The following RSU1 variants were observed in gnomAD, a reference collection of about 807,000 sequenced individuals.
The protein encoded by RSU1 is Ras suppressor protein 1, also known as rsu-1.
A neutral mutation model predicts 31.1 loss-of-function variants in RSU1; 26 were observed. That is an observed-to-expected ratio of 0.84 (90% CI 0.61 to 1.16). The LOEUF is 1.16. Ranked by LOEUF, RSU1 falls within the 50% of genes most tolerant of loss-of-function variation. The pLI, the probability that RSU1 is intolerant of heterozygous loss-of-function variation, is 0.00. For missense variants in RSU1, 320 were observed against 339.1 expected, an observed-to-expected ratio of 0.94 and a Z score of 0.44; for synonymous variants, 164 against 136.3, an observed-to-expected ratio of 1.20 and a Z score of -1.41.
rs869035739 is a variant in RSU1 at position 16,659,301 on chromosome 10, CTTT to C, written c.731+35719_731+35721del. Among the ~76,000 whole-genome samples the C allele has an allele frequency of 2.8e-3, 285 of 100,800 alleles. 1 individual carries two copies. The highest frequency in any genetic ancestry group is 9.4e-3 in the African/African-American group (269 of 28,564). 66.1% of individuals were successfully genotyped at this position (100,800 alleles called of 152,430 possible). On this transcript the variant is annotated intron_variant, in intron 8 of 8. Transcript: ENST00000345264. ...CCCTTCTCTACTCTGAGGTTATATT[CTTT>C]TTTTTTTTTTTTTTTTTTTAGTTCT...
intron 8 of RSU1, among the ~76,000 whole-genome samples, chr10:16,601,977 A>G (rs937319225): frequency 1.3e-5 from 2 of 152,214 alleles, no homozygotes; most frequent in African/African-American, 4.8e-5. Flanking sequence ...CCATTGAAAA[A>G]TGAAAAAATG....
At chr10:16,675,568 G>A (rs540276322) in intron 8 of RSU1, among the ~76,000 whole-genome samples, 31 of 152,266 alleles carry the variant, frequency 2.0e-4, no homozygotes, top group Admixed American at 1.9e-3. Flanking sequence ...GTCAGGAAGA[G>A]ACAAGAAAAG....
chr10:16,676,886 A>G (rs1045371229), intron 8 of RSU1, among the ~76,000 whole-genome samples: 1 of 152,158 alleles, frequency 6.6e-6, no homozygotes, highest in African/African-American at 2.4e-5. Flanking sequence ...TACCAGAACC[A>G]CTCAGATAAG....
intron 7 of RSU1, 109 bp downstream of exon 7, chr10:16,752,430 A>T: frequency 1.3e-6 from 1 of 764,952 alleles, no homozygotes; most frequent in Non-Finnish European, 2.3e-6. Flanking sequence ...TCGTGTGCCT[A>T]GGTGGAGAGT....
At position 16,651,786 on chromosome 10, in the gene RSU1, T is replaced by A. The variant is rs116286614; in HGVS notation, c.731+43237A>T. On this transcript the variant is annotated intron_variant, in intron 8 of 8. Transcript: ENST00000345264. The stretch of plus-strand genomic sequence containing the variant: ...TTTAAAAGCTTGACTTACAGATAGC[T>A]TTTATACCTAATGAAGCCTTTAAAA... 3.3e-3 allele frequency among the ~76,000 whole-genome samples: 508 copies of A among 152,334 alleles called. 4 individuals carry two copies. The highest frequency in any genetic ancestry group is 0.012 in the African/African-American group (483 of 41,592).
intron 7 of RSU1, among the ~76,000 whole-genome samples, chr10:16,729,184 T>G (rs887299203): frequency 1.8e-4 from 27 of 152,278 alleles, no homozygotes; most frequent in Middle Eastern, 3.4e-3. Flanking sequence ...AAAGTGAGAG[T>G]AGAATAATCT....
chr10:16,735,694 G>A (rs377549935), intron 7 of RSU1, among the ~76,000 whole-genome samples: 96 of 152,192 alleles, frequency 6.3e-4, no homozygotes, highest in East Asian at 9.7e-4. Context: ...CCTTCTTCAC[G>A]TAGCGGCAGC....
At chr10:16,718,424 T>C (rs995443474) in intron 7 of RSU1, among the ~76,000 whole-genome samples, 11 of 152,252 alleles carry the variant, frequency 7.2e-5, no homozygotes, top group African/African-American at 2.7e-4. Context: ...TTTATCATTT[T>C]ATTTGATTAT....
At chr10:16,669,286 C>G (rs1320190033) in intron 8 of RSU1, among the ~76,000 whole-genome samples, 1 of 152,092 alleles carries the variant, frequency 6.6e-6, no homozygotes, top group Non-Finnish European at 1.5e-5. Flanking sequence ...GTAGAACTGT[C>G]ATTCAAACCC....
intron 7 of RSU1, among the ~76,000 whole-genome samples, chr10:16,735,737 C>T (rs531145902): frequency 6.6e-6 from 1 of 152,166 alleles, no homozygotes; most frequent in Non-Finnish European, 1.5e-5. Flanking sequence ...GGGAAAAACC[C>T]CTTTATAAAA....
chr10:16,592,066 A>C lies in RSU1; in HGVS notation c.*1328T>G, dbSNP rs548040150. On this transcript the variant is annotated 3_prime_UTR_variant, in exon 9 of 9. Coordinates refer to ENST00000345264, the MANE Select transcript of RSU1 (RefSeq NM_012425.4). ...ACTCAGAACTTGTTGTTTGATTTTG[A>C]TTTTTGACTTTTTTATATGCCCCAG... is the stretch of plus-strand genomic sequence containing the variant. The C allele has an allele frequency of 2.7e-5, 4 of 150,706 alleles. No individual in the cohort carries two copies. In the East Asian group the frequency reaches 7.7e-4, roughly 29 times the overall value. The allele number at this position is 150,706 out of a possible 1,614,324, so 9.3% of individuals were successfully genotyped here.
chr10:16,603,463 AG>A (rs1372583533), intron 8 of RSU1, among the ~76,000 whole-genome samples: 40 of 152,356 alleles, frequency 2.6e-4, no homozygotes, highest in African/African-American at 9.1e-4. Flanking sequence ...CAAGGATATT[AG>A]GTAAGGTCTT....
In RSU1 at chr10:16,593,231, A is replaced by G. The variant is rs1196297822; in HGVS notation, c.*163T>C. 7.5e-7 allele frequency: 1 copy of G among 1,334,792 alleles called. No individual in the cohort carries two copies. The highest frequency in any genetic ancestry group is 9.9e-7 in the Non-Finnish European group (1 of 1,007,316). The allele number at this position is 1,334,792 out of a possible 1,614,324, so 82.7% of individuals were successfully genotyped here. A position where few individuals can be genotyped will look rare whatever the true frequency, so the allele number is the denominator to read the frequency against. Reference sequence around the variant, plus strand: ...ACCTTATAACAATCTCCCACCTAGCAAAAGAATCTAAAAGGTAAGGTGGGA... The same window carrying G: ...ACCTTATAACAATCTCCCACCTAGCGAAAGAATCTAAAAGGTAAGGTGGGA... On this transcript the variant is annotated 3_prime_UTR_variant, in exon 9 of 9. Transcript: ENST00000345264.
At chr10:16,805,342 C>T (rs1368386497) in intron 2 of RSU1, among the ~76,000 whole-genome samples, 1 of 152,144 alleles carries the variant, frequency 6.6e-6, no homozygotes, top group African/African-American at 2.4e-5. Context: ...CTTCCTGCTC[C>T]AGCTCTCTGT....
intron 8 of RSU1, among the ~76,000 whole-genome samples, chr10:16,620,035 G>T (rs952471867): frequency 5.3e-5 from 8 of 152,128 alleles, no homozygotes; most frequent in Non-Finnish European, 8.8e-5. Flanking sequence ...GGCTACCTAT[G>T]AATTCATGCT....
In RSU1 at chr10:16,785,487, TAC is replaced by T. The variant is rs1366031565; in HGVS notation, c.110-3405_110-3404del. Among the ~76,000 whole-genome samples, 1,070 of 131,540 alleles carry T rather than the reference TAC, an allele frequency of 8.1e-3. 29 individuals are homozygous for T. The highest frequency in any genetic ancestry group is 0.033 in the African/African-American group (989 of 30,110). 86.3% of individuals were successfully genotyped at this position (131,540 alleles called of 152,430 possible). ...ATATATATACACATATATACATATA[TAC>T]ATATATATATACACATATATACATA... On this transcript the variant is annotated intron_variant, in intron 2 of 8. Coordinates refer to ENST00000345264, the MANE Select transcript of RSU1 (RefSeq NM_012425.4).
chr10:16,704,179 T>C (rs1347716384), intron 7 of RSU1, among the ~76,000 whole-genome samples: 2 of 152,204 alleles, frequency 1.3e-5, no homozygotes, highest in Non-Finnish European at 1.5e-5. Flanking sequence ...AATTTTTAGA[T>C]ACTATCACAA....
chr10:16,786,763 C>T (rs557903961), intron 2 of RSU1, among the ~76,000 whole-genome samples: 4 of 152,282 alleles, frequency 2.6e-5, no homozygotes, highest in South Asian at 4.1e-4. Flanking sequence ...AACTCCGCTT[C>T]GTTGGCCTTT....
rs115849804 is a variant in RSU1 at position 16,609,301 on chromosome 10, G to A, written c.732-15805C>T. On this transcript the variant is annotated intron_variant, in intron 8 of 8. Transcript: ENST00000345264. ...CTGCCTCACCTAGGAGCTGCCTCTG[G>A]CTAGGGGAGAGCCTTAGCTGCTTCA... is the stretch of plus-strand genomic sequence containing the variant. 5.4e-3 allele frequency among the ~76,000 whole-genome samples: 825 copies of A among 152,326 alleles called. 8 individuals are homozygous for A. The highest frequency in any genetic ancestry group is 0.019 in the African/African-American group (777 of 41,562).
Sources: gnomAD v4.1 joint callset for allele counts (sites outside exome capture counted in the v4.1 genomes callset) on GRCh38, gnomAD v4.1.1 for gene constraint, MANE v1.5 for transcripts, NCBI Gene and HGNC (gene_info 2026-07-23, HGNC 2026-07-21) for gene names.